Variants in TRIB3 observed in about 807,000 individuals in gnomAD.
TRIB3 encodes the protein tribbles homolog 3.
A neutral mutation model predicts 16.6 loss-of-function variants in TRIB3; 20 were observed. That is an observed-to-expected ratio of 1.20 (90% CI 0.85 to 1.75). The LOEUF is 1.75. TRIB3 is among the 40% of genes most tolerant of loss of function. The pLI is 0.00. For missense variants in TRIB3, 484 were observed against 488.9 expected (o/e 0.99, Z 0.10); for synonymous variants, 208 against 217.0 (o/e 0.96, Z 0.36).
At chr20:382,447 G>A (rs1475780228) in intron 1 of TRIB3, 4 of 1,321,616 alleles carry the variant, frequency 3.0e-6, no homozygotes, top group East Asian at 5.1e-5. Flanking sequence ...CAAAGCATGT[G>A]CACAGCCAGG....
rs200385673 is a variant in TRIB3 at position 391,555 on chromosome 20, G to A, written c.560G>A (p.Arg187His). Residue 187 changes from arginine to histidine, a missense_variant, in exon 3 of 4, where the codon CGC (arginine) becomes CAC (histidine). Coordinates refer to ENST00000217233, the MANE Select transcript of TRIB3 (RefSeq NM_021158.5). ...GLVLRDLKLC[R>H]FVFADRERKK... is the part of the protein sequence containing the mutation. ...GTCCTGCGTGATCTCAAGCTGTGTC[G>A]CTTTGTCTTCGCTGACCGTGAGAGG... The A allele has an allele frequency of 5.6e-5, 90 of 1,611,200 alleles. No homozygotes were observed. Among genetic ancestry groups the A allele is most frequent in the Non-Finnish European group, 2.8e-5 (33 of 1,178,590 alleles).
intron 3 of TRIB3, among the ~76,000 whole-genome samples, chr20:394,431 A>G (rs997175819): frequency 1.3e-5 from 2 of 152,206 alleles, no homozygotes; most frequent in Non-Finnish European, 2.9e-5. Context: ...CTTCAAACAC[A>G]TTTTAGGCTT....
At chr20:385,995 C>T (rs1362088870) in intron 1 of TRIB3, among the ~76,000 whole-genome samples, 11 of 151,368 alleles carry the variant, frequency 7.3e-5, no homozygotes, top group African/African-American at 1.2e-4. Flanking sequence ...GTAGCTGGGA[C>T]TACAGGCATC....
intron 1 of TRIB3, among the ~76,000 whole-genome samples, chr20:382,860 A>T (rs939253519): frequency 1.3e-5 from 2 of 152,164 alleles, no homozygotes; most frequent in African/African-American, 4.8e-5. Flanking sequence ...CCTTTCACTC[A>T]TGTGGGGAGG....
intron 2 of TRIB3, among the ~76,000 whole-genome samples, chr20:391,001 C>CAAAAAAA (rs11374668): frequency 3.5e-5 from 3 of 85,772 alleles, no homozygotes; most frequent in Admixed American, 1.3e-4. Context: ...GACTCCGTCT[C>CAAAAAAA]AAAAAAAAAA....
intron 3 of TRIB3, among the ~76,000 whole-genome samples, chr20:393,705 G>T (rs2015041301): frequency 6.6e-6 from 1 of 152,176 alleles, no homozygotes; most frequent in Admixed American, 6.6e-5. Context: ...CAGTTAGATT[G>T]CAGTTATGTA....
intron 2 of TRIB3, among the ~76,000 whole-genome samples, chr20:389,925 C>A (rs1355902087): frequency 6.6e-6 from 1 of 152,170 alleles, no homozygotes; most frequent in African/African-American, 2.4e-5. Context: ...CTTCATTGAG[C>A]ACCCGTATTT....
chr20:394,630 A>G lies in TRIB3; in HGVS notation c.585-1568A>G, dbSNP rs561701518. ...AAAACCCCATCTGTACAAAAAATTT[A>G]TAAAAATTAGCCAGGTGTGGTGATG... is the stretch of plus-strand genomic sequence containing the variant. On this transcript the variant is annotated intron_variant, in intron 3 of 3. Transcript: ENST00000217233. Among the ~76,000 whole-genome samples the G allele has an allele frequency of 5.3e-5, 8 of 151,968 alleles. No homozygotes were observed. The East Asian group carries it at 1.6e-3, about 30-fold the overall frequency.
chr20:388,391 A>G (rs2014884533), intron 2 of TRIB3, 90 bp downstream of exon 2: 4 of 1,412,668 alleles, frequency 2.8e-6, no homozygotes, highest in Non-Finnish European at 3.8e-6. Context: ...AGGGGTCCTT[A>G]TGTTCATTCA....
At chr20:381,917 C>T (rs2014665410) in intron 1 of TRIB3, among the ~76,000 whole-genome samples, 1 of 152,196 alleles carries the variant, frequency 6.6e-6, no homozygotes, top group Non-Finnish European at 1.5e-5. Flanking sequence ...CAGCCACCTC[C>T]TTCCCTCTGC....
At chr20:386,613 G>C (rs953970710) in intron 1 of TRIB3, among the ~76,000 whole-genome samples, 1 of 151,292 alleles carries the variant, frequency 6.6e-6, no homozygotes, top group Non-Finnish European at 1.5e-5. Flanking sequence ...TGTTCTGTTG[G>C]CCAGGCTGAA....
At chr20:386,975 A>T (rs543336553) in intron 1 of TRIB3, among the ~76,000 whole-genome samples, 9 of 148,494 alleles carry the variant, frequency 6.1e-5, no homozygotes, top group African/African-American at 1.5e-4. Context: ...CTGGTCTTGA[A>T]CTCCCAGCCT....
chr20:396,311 C>T lies in TRIB3; in HGVS notation c.698C>T (p.Ser233Leu). The T allele has an allele frequency of 6.2e-7, 1 of 1,613,822 alleles. No homozygotes were observed. The highest frequency in any genetic ancestry group is 2.2e-5 in the East Asian group (1 of 44,888). Residue 233 changes from serine (S) to leucine (L), a missense_variant, in exon 4 of 4, where the codon TCA (serine) becomes TTA (leucine). Transcript: ENST00000217233. Reference protein sequence around the residue: ...PAYVGPEILSSRASYSGKAAD... With the variant: ...PAYVGPEILSLRASYSGKAAD... ...TACGTGGGACCTGAGATACTCAGCT[C>T]ACGGGCCTCATACTCGGGCAAGGCA...
Position 397,013 on chromosome 20 carries a change from CTACACTGGG to C in TRIB3, c.*330_*338del, listed in dbSNP as rs1202094739. ...CTTTTCCATGACCATAGGTCACTGT[CTACACTGGG>C]TACACTTTGTACCAGTGTCGGCCTC... is the stretch of plus-strand genomic sequence containing the variant. On this transcript the variant is annotated 3_prime_UTR_variant, in exon 4 of 4. Coordinates refer to ENST00000217233, the MANE Select transcript of TRIB3 (RefSeq NM_021158.5). 3.2e-6 allele frequency: 1 copy of C among 314,028 alleles called. No homozygotes were observed. The highest frequency in any genetic ancestry group is 5.2e-5 in the South Asian group (1 of 19,342). 19.5% of individuals were successfully genotyped at this position (314,028 alleles called of 1,614,324 possible).
chr20:381,386 C>T (rs938877994), intron 1 of TRIB3: 4 of 152,782 alleles, frequency 2.6e-5, no homozygotes. Flanking sequence ...TCCCCCCGGG[C>T]TTCAGGTGAC....
At chr20:389,285 T>C (rs569380207) in intron 2 of TRIB3, among the ~76,000 whole-genome samples, 1 of 152,250 alleles carries the variant, frequency 6.6e-6, no homozygotes, top group African/African-American at 2.4e-5. Context: ...AGAGCTGGGA[T>C]TGGGCCCAGG....
At position 396,423 on chromosome 20, in the gene TRIB3, C is replaced by T. The variant is rs1003885985; in HGVS notation, c.810C>T (p.Phe270=). The change falls in exon 4 of 4, where the codon TTC becomes TTT. Residue 270 remains phenylalanine, a synonymous_variant. Transcript: ENST00000217233. The part of the protein sequence containing the change: ...PFQDSEPVLL[F]GKIRRGAYAL... ...AGGACTCGGAGCCTGTCCTGCTCTTCGGCAAGATCCGCCGCGGGGCCTACG... is the reference window on the plus strand; with the variant it reads ...AGGACTCGGAGCCTGTCCTGCTCTTTGGCAAGATCCGCCGCGGGGCCTACG... 30 of 1,612,994 alleles carry T rather than the reference C, an allele frequency of 1.9e-5. No individual in the cohort carries two copies. Among genetic ancestry groups the T allele is most frequent in the South Asian group, 5.5e-5 (5 of 91,080 alleles).
intron 1 of TRIB3, chr20:382,411 C>T: frequency 1.0e-6 from 1 of 965,828 alleles, no homozygotes; most frequent in Non-Finnish European, 1.5e-6. Context: ...AGAGGGACTC[C>T]AGGCAGTCTC....
intron 2 of TRIB3, among the ~76,000 whole-genome samples, chr20:388,616 G>A (rs1326818815): frequency 1.3e-5 from 2 of 151,602 alleles, no homozygotes; most frequent in African/African-American, 2.4e-5. Context: ...TTGCAGGCAG[G>A]GGGAACAGCT....
Sources: allele counts gnomAD v4.1 joint callset (sites outside exome capture counted in the v4.1 genomes callset), GRCh38; gene constraint gnomAD v4.1.1; transcripts MANE v1.5; gene names NCBI Gene and HGNC (gene_info 2026-07-23, HGNC 2026-07-21).